The following COQ10B variants were observed in gnomAD, a reference collection of about 807,000 sequenced individuals.
The protein encoded by COQ10B is coenzyme Q-binding protein COQ10 homolog B, mitochondrial.
COQ10B carries 12 observed loss-of-function variants against 27.6 expected under a neutral mutation model. The ratio of observed to expected loss-of-function variants is 0.43; its 90% CI spans 0.28 to 0.70. COQ10B has a LOEUF of 0.70. Among genes scored for constraint, COQ10B ranks in the 30% least tolerant of loss-of-function variants. COQ10B has a pLI of 0.17. For missense variants in COQ10B, 278 were observed against 288.7 expected (o/e 0.96, Z 0.27); for synonymous variants, 115 against 103.0 (o/e 1.12, Z -0.71).
rs760695787 is a variant in COQ10B at position 197,460,009 on chromosome 2, C to T, written c.182C>T (p.Ala61Val). The change falls in exon 2 of 5, where the codon GCA (alanine) becomes GTA (valine). Residue 61 changes from alanine (A) to valine (V), a missense_variant. Transcript: ENST00000263960. ...TCAATTTTGCCTAAGGAGATATGTG[C>T]ACGAACTTTCTTCAAAATCACTGCA... ...HTSILPKEIC[A>V]RTFFKITAPL... The T allele has an allele frequency of 3.7e-6, 6 of 1,610,292 alleles. No individual in the cohort carries two copies. The highest frequency in any genetic ancestry group is 1.7e-5 in the Admixed American group (1 of 59,888).
Position 197,468,378 on chromosome 2 carries a change from G to A in COQ10B, c.448-1692G>A, listed in dbSNP as rs1337801324. On this transcript the variant is annotated intron_variant, in intron 3 of 4. Coordinates refer to ENST00000263960, the MANE Select transcript of COQ10B (RefSeq NM_025147.5). ...GAATGGTGTGGATCCAGGAGGCGGA[G>A]CTTGCAGTGAGTCGAGATCGCGCCA... 2.0e-5 allele frequency among the ~76,000 whole-genome samples: 3 copies of A among 148,556 alleles called. No homozygotes were observed. In the East Asian group the frequency reaches 6.0e-4, roughly 30 times the overall value.
At chr2:197,454,236 C>A (rs960036690) in intron 1 of COQ10B, 3 of 1,172,560 alleles carry the variant, frequency 2.6e-6, no homozygotes, top group African/African-American at 3.1e-5. Flanking sequence ...AGTCAGCTTT[C>A]GATTTTCCTG....
Position 197,453,613 on chromosome 2 carries a change from G to A in COQ10B, c.53G>A (p.Arg18His). The change falls in exon 1 of 5, where the codon CGT becomes CAT. Residue 18 changes from arginine (R) to histidine (H), a missense_variant. Physicochemically the swap from Arg to His is conservative, Grantham distance 29. Transcript: ENST00000263960. ...TALRRVVSGC[R>H]PKSATAAGAQ... ...TTGAGAAGGGTAGTCTCGGGATGCC[G>A]TCCGAAGTCGGCGACAGCGGCCGGG... 1 of 1,614,026 alleles carries A rather than the reference G, an allele frequency of 6.2e-7. No individual in the cohort carries two copies. Among genetic ancestry groups the A allele is most frequent in the Middle Eastern group, 1.6e-4 (1 of 6,062 alleles).
chr2:197,459,836 C>T (rs895236731), intron 1 of COQ10B, 96 bp from the exon 2 acceptor site: 1 of 851,398 alleles, frequency 1.2e-6, no homozygotes, highest in African/African-American at 1.8e-5. Context: ...AGTTGCAAAG[C>T]CTTACAAAGT....
chr2:197,460,209 TC>T, intron 2 of COQ10B, 128 bp downstream of exon 2: 16 of 605,560 alleles, frequency 2.6e-5, no homozygotes, highest in Non-Finnish European at 1.3e-5. Context: ...TTGGCCTTTT[TC>T]TTTTTTTTTT....
At chr2:197,465,010 C>G (rs894631996) in intron 3 of COQ10B, among the ~76,000 whole-genome samples, 2 of 151,856 alleles carry the variant, frequency 1.3e-5, no homozygotes, top group African/African-American at 2.4e-5. Context: ...CTCAGCCTCC[C>G]GAGTAGCGGG....
chr2:197,462,766 C>T lies in COQ10B; in HGVS notation c.447+35C>T, dbSNP rs759979114. On this transcript the variant is annotated intron_variant, in intron 3 of 4. Coordinates refer to ENST00000263960, the MANE Select transcript of COQ10B (RefSeq NM_025147.5). ...TTGTTTTTTGTTGTTTTTAAATATT[C>T]TTCCATATATTAACTTTGTCAAATG... 4.0e-6 allele frequency: 5 copies of T among 1,244,576 alleles called. No homozygotes were observed. The African/African-American group carries it at 4.7e-5, about 12-fold the overall frequency. 77.1% of individuals were successfully genotyped at this position (1,244,576 alleles called of 1,614,324 possible).
Position 197,474,247 on chromosome 2 carries a change from C to T in COQ10B, c.*323C>T, listed in dbSNP as rs776209717. The T allele has an allele frequency of 1.6e-5, 3 of 185,406 alleles. No homozygotes were observed. Among genetic ancestry groups the T allele is most frequent in the Non-Finnish European group, 3.3e-5 (3 of 90,236 alleles). The allele number at this position is 185,406 out of a possible 1,614,324, so 11.5% of individuals were successfully genotyped here. On this transcript the variant is annotated 3_prime_UTR_variant, in exon 5 of 5. Transcript: ENST00000263960. ...TTTAAACCTTTTAATTATCACCTTA[C>T]CTGAAAGAGGTTAGTTAAGATATTC...
At position 197,468,541 on chromosome 2, in the gene COQ10B, T is replaced by C. The variant is rs574297100; in HGVS notation, c.448-1529T>C. The stretch of plus-strand genomic sequence containing the variant: ...CTTTAATGTTAAATTTCCTATAAGC[T>C]TCTTAAATGATTGTAAAGAAGGGCA... On this transcript the variant is annotated intron_variant, in intron 3 of 4. Coordinates refer to ENST00000263960, the MANE Select transcript of COQ10B (RefSeq NM_025147.5). Among the ~76,000 whole-genome samples the C allele has an allele frequency of 3.3e-5, 5 of 152,182 alleles. No individual in the cohort carries two copies. The East Asian group carries it at 9.6e-4, about 29-fold the overall frequency.
chr2:197,466,599 T>C (rs2085826879), intron 3 of COQ10B, among the ~76,000 whole-genome samples: 1 of 152,214 alleles, frequency 6.6e-6, no homozygotes, highest in Non-Finnish European at 1.5e-5. Flanking sequence ...CCTGTATTTT[T>C]GGATTATTGC....
intron 3 of COQ10B, among the ~76,000 whole-genome samples, chr2:197,464,169 T>C (rs1425555995): frequency 6.6e-6 from 1 of 150,782 alleles, no homozygotes; most frequent in African/African-American, 2.4e-5. Context: ...TCTTACATTA[T>C]ATTAATCATC....
intron 1 of COQ10B, among the ~76,000 whole-genome samples, chr2:197,458,142 G>T (rs1179468314): frequency 1.5e-4 from 22 of 145,382 alleles, no homozygotes; most frequent in African/African-American, 5.1e-4. Flanking sequence ...CTTTTGAGAC[G>T]GAGAATCACT....
Position 197,470,063 on chromosome 2 carries a change from G to A in COQ10B, c.448-7G>A, listed in dbSNP as rs1225665311. 6.3e-7 allele frequency: 1 copy of A among 1,577,766 alleles called. No homozygotes were observed. Among genetic ancestry groups the A allele is most frequent in the African/African-American group, 1.4e-5 (1 of 73,900 alleles). On this transcript the variant is annotated splice_polypyrimidine_tract_variant and splice_region_variant and intron_variant, in intron 3 of 4. Transcript: ENST00000263960. ...AACTGTGGTTTTATTTTTTCATTTT[G>A]TTGTAGGCATCTTGTACTGATGGGA... is the stretch of plus-strand genomic sequence containing the variant.
chr2:197,462,404 G>A, intron 2 of COQ10B, 135 bp from the exon 3 acceptor site: 1 of 530,148 alleles, frequency 1.9e-6, no homozygotes, highest in Non-Finnish European at 3.2e-6. Context: ...ATTGATTCCA[G>A]AATGTGGTTT....
At chr2:197,459,219 G>GC (rs776651798) in intron 1 of COQ10B, among the ~76,000 whole-genome samples, 5 of 152,148 alleles carry the variant, frequency 3.3e-5, no homozygotes, top group Non-Finnish European at 7.3e-5. Context: ...AGGCTGCAGT[G>GC]CCCGTGGTGT....
intron 3 of COQ10B, among the ~76,000 whole-genome samples, chr2:197,463,633 GA>G (rs1223222929): frequency 6.7e-6 from 1 of 148,926 alleles, no homozygotes; most frequent in Non-Finnish European, 1.5e-5. Flanking sequence ...AAAATGAAAA[GA>G]AAAAATATAA....
At chr2:197,453,738 T>G in intron 1 of COQ10B, 74 bp downstream of exon 1, 1 of 1,323,856 alleles carries the variant, frequency 7.6e-7, no homozygotes, top group South Asian at 1.2e-5. Flanking sequence ...CCGGAAGGAT[T>G]TGGGGGTGAG....
chr2:197,467,596 C>G lies in COQ10B; in HGVS notation c.448-2474C>G, dbSNP rs760542852. 3.3e-5 allele frequency among the ~76,000 whole-genome samples: 5 copies of G among 152,208 alleles called. No homozygotes were observed. The South Asian group carries it at 1.0e-3, about 32-fold the overall frequency. ...TTCTCCCTGTTGGTCAGGCTGGTCT[C>G]GAACTCCCGAACTCAGGTGATCCGC... On this transcript the variant is annotated intron_variant, in intron 3 of 4. Coordinates refer to ENST00000263960, the MANE Select transcript of COQ10B (RefSeq NM_025147.5).
chr2:197,454,991 AGTGCATGAAAATAGATGTGCT>A (rs1357746871), intron 1 of COQ10B, among the ~76,000 whole-genome samples: 2 of 152,190 alleles, frequency 1.3e-5, no homozygotes, highest in African/African-American at 4.8e-5. Flanking sequence ...TATTCCTGGC[AGTGCATGAAAATAGATGTGCT>A]GTCCAGGCCA....
Sources: allele counts gnomAD v4.1 joint callset (sites outside exome capture counted in the v4.1 genomes callset), GRCh38; gene constraint gnomAD v4.1.1; transcripts MANE v1.5; gene names NCBI Gene and HGNC (gene_info 2026-07-23, HGNC 2026-07-21).